RREB1: variants seen among roughly 807,000 people sequenced by gnomAD.
RREB1 encodes the protein ras-responsive element-binding protein 1.
RREB1 carries 27 observed loss-of-function variants against 117.8 expected under a neutral mutation model. That is an observed-to-expected ratio of 0.23 (90% CI 0.17 to 0.32). The LOEUF is 0.32. Ranked by LOEUF, RREB1 falls within the 10% of genes least tolerant of loss-of-function variation. The pLI is 1.00. For missense variants in RREB1, 2,577 were observed against 2,378.2 expected (o/e 1.08, Z -1.74); for synonymous variants, 1,298 against 1,026.7 (o/e 1.26, Z -5.05).
At chr6:7,126,637 C>A (rs1054378498) in intron 1 of RREB1, among the ~76,000 whole-genome samples, 1 of 152,206 alleles carries the variant, frequency 6.6e-6, no homozygotes, top group Non-Finnish European at 1.5e-5. Flanking sequence ...ACTGACCTAT[C>A]TTCTCTATTT....
chr6:7,233,142 C>T (rs1561800924), intron 10 of RREB1, among the ~76,000 whole-genome samples: 2 of 152,042 alleles, frequency 1.3e-5, no homozygotes, highest in Non-Finnish European at 2.9e-5. Context: ...GTGATCTGCC[C>T]ACCTTGGCCT....
intron 10 of RREB1, among the ~76,000 whole-genome samples, chr6:7,239,557 G>C (rs539836459): frequency 6.6e-6 from 1 of 152,322 alleles, no homozygotes; most frequent in Non-Finnish European, 1.5e-5. Context: ...AAAAGGAGAG[G>C]GTAGGCAGAC....
chr6:7,178,476 G>GT (rs996924308), intron 2 of RREB1, among the ~76,000 whole-genome samples: 4 of 152,186 alleles, frequency 2.6e-5, no homozygotes, highest in Non-Finnish European at 4.4e-5. Flanking sequence ...GTTATGGTGG[G>GT]TTTTTTCTAA....
chr6:7,143,339 C>T (rs1212916728), intron 1 of RREB1, among the ~76,000 whole-genome samples: 1 of 152,174 alleles, frequency 6.6e-6, no homozygotes, highest in African/African-American at 2.4e-5. Flanking sequence ...TTGTTAAGGG[C>T]ATGGAGAGGC....
chr6:7,242,582 A>G (rs1426005056), intron 11 of RREB1, among the ~76,000 whole-genome samples: 2 of 151,902 alleles, frequency 1.3e-5, no homozygotes, highest in African/African-American at 4.8e-5. Context: ...AGTGATTTCA[A>G]GGAGGATTTT....
chr6:7,203,462 A>G (rs1029028610), intron 6 of RREB1, among the ~76,000 whole-genome samples: 2 of 152,216 alleles, frequency 1.3e-5, no homozygotes, highest in African/African-American at 4.8e-5. Flanking sequence ...CCCAGGACCA[A>G]GATAGAAAAG....
chr6:7,202,241 C>G (rs570481092), intron 6 of RREB1, among the ~76,000 whole-genome samples: 1 of 152,302 alleles, frequency 6.6e-6, no homozygotes, highest in South Asian at 2.1e-4. Flanking sequence ...ATGGCCCCAC[C>G]CGTGCATTTC....
intron 1 of RREB1, among the ~76,000 whole-genome samples, chr6:7,118,928 C>T (rs1387628948): frequency 6.8e-6 from 1 of 147,124 alleles, no homozygotes; most frequent in Non-Finnish European, 1.5e-5. Flanking sequence ...GGATTACAAG[C>T]GTGAGCCACT....
At chr6:7,240,245 A>T (rs1430986349) in intron 10 of RREB1, among the ~76,000 whole-genome samples, 193 bp from the exon 11 acceptor site, 1 of 150,368 alleles carries the variant, frequency 6.7e-6, no homozygotes, top group African/African-American at 2.4e-5. Context: ...ATTCCATTCA[A>T]CTTAGGAAAA....
In RREB1 at chr6:7,235,372, G is replaced by A. The variant is rs370401451; in HGVS notation, c.3808+3465G>A. 3.9e-5 allele frequency among the ~76,000 whole-genome samples: 6 copies of A among 152,144 alleles called. No individual in the cohort carries two copies. In the East Asian group the frequency reaches 5.8e-4, roughly 15 times the overall value. On this transcript the variant is annotated intron_variant, in intron 10 of 12. Transcript: ENST00000379938. The stretch of plus-strand genomic sequence containing the variant: ...TTGGCTCCCTAGGCTTCTGTGAGGC[G>A]CTGTCTCCAAAACTTTGAAAAAAGT...
rs1432058657 is a variant in RREB1 at position 7,249,683 on chromosome 6, C to T, written c.*715C>T. ...CATGGTCACTGTTCAAGTTTCAAGACATCCATTCTTAACTATAGAGAAGAG... is the reference window on the plus strand; with the variant it reads ...CATGGTCACTGTTCAAGTTTCAAGATATCCATTCTTAACTATAGAGAAGAG... On this transcript the variant is annotated 3_prime_UTR_variant, in exon 13 of 13. Transcript: ENST00000379938. 1 of 152,146 alleles carries T rather than the reference C, an allele frequency of 6.6e-6. No individual in the cohort carries two copies. The highest frequency in any genetic ancestry group is 1.9e-4 in the East Asian group (1 of 5,206). 9.4% of individuals were successfully genotyped at this position (152,146 alleles called of 1,614,324 possible).
chr6:7,138,279 A>G (rs1188968211), intron 1 of RREB1, among the ~76,000 whole-genome samples: 1 of 152,252 alleles, frequency 6.6e-6, no homozygotes, highest in African/African-American at 2.4e-5. Flanking sequence ...CTCCTGTCCA[A>G]ATAATTCAGT....
intron 4 of RREB1, among the ~76,000 whole-genome samples, chr6:7,187,207 C>G (rs1166613176): frequency 6.6e-6 from 1 of 152,188 alleles, no homozygotes; most frequent in Non-Finnish European, 1.5e-5. Flanking sequence ...GGTAATTTAA[C>G]CTGCATCACA....
chr6:7,226,646 G>T lies in RREB1; in HGVS notation c.887G>T (p.Arg296Leu). 6.2e-7 allele frequency: 1 copy of T among 1,613,628 alleles called. No homozygotes were observed. The highest frequency in any genetic ancestry group is 8.5e-7 in the Non-Finnish European group (1 of 1,179,708). Residue 296 changes from arginine (R) to leucine (L), a missense_variant, in exon 9 of 13, where the codon CGC (arginine) becomes CTC (leucine). Arg to Leu is a moderately radical substitution (Grantham distance 102). Transcript: ENST00000379938. Reference protein sequence around the residue: ...FTDFSCRKFPRISQAWCETNL... With the variant: ...FTDFSCRKFPLISQAWCETNL... ...GACTTCTCCTGTAGGAAGTTTCCTC[G>T]CATTTCTCAGGTATTCTGATCAGCC...
At chr6:7,169,368 C>T (rs1764106317) in intron 1 of RREB1, among the ~76,000 whole-genome samples, 1 of 152,246 alleles carries the variant, frequency 6.6e-6, no homozygotes, top group Non-Finnish European at 1.5e-5. Context: ...CTTATTAGAG[C>T]ATAGTCCACC....
rs771985803 is a variant in RREB1, at chr6:7,246,486, G to A, written c.4036G>A (p.Asp1346Asn). ...AGEVLDLTSRDREQPSEGATE... is the reference protein window; with the variant it reads ...AGEVLDLTSRNREQPSEGATE... Reference sequence around the variant, plus strand: ...CGAAGTGCTAGACCTCACCTCACGGGACAGAGAGCAGCCGTCGGAGGGCGC... The same window carrying A: ...CGAAGTGCTAGACCTCACCTCACGGAACAGAGAGCAGCCGTCGGAGGGCGC... The change falls in exon 12 of 13, where the codon GAC (aspartate) becomes AAC (asparagine). Residue 1346 changes from aspartate (D) to asparagine (N), a missense_variant. Physicochemically the swap from Asp to Asn is conservative, Grantham distance 23. Coordinates refer to ENST00000379938, the MANE Select transcript of RREB1 (RefSeq NM_001003699.4). The A allele has an allele frequency of 5.2e-6, 8 of 1,542,726 alleles. No homozygotes were observed. Among genetic ancestry groups the A allele is most frequent in the African/African-American group, 4.1e-5 (3 of 73,114 alleles).
At chr6:7,223,768 C>CA (rs1226635397) in intron 8 of RREB1, among the ~76,000 whole-genome samples, 1 of 152,120 alleles carries the variant, frequency 6.6e-6, no homozygotes, top group Admixed American at 6.5e-5. Context: ...ATGTGGAGCA[C>CA]ATACGAAAAC....
chr6:7,173,386 G>C (rs1366937179), intron 1 of RREB1, among the ~76,000 whole-genome samples: 1 of 151,950 alleles, frequency 6.6e-6, no homozygotes, highest in Non-Finnish European at 1.5e-5. Context: ...GCGTGGTGGT[G>C]CACGGCTGAG....
intron 1 of RREB1, among the ~76,000 whole-genome samples, chr6:7,126,807 T>C (rs1005254667): frequency 2.6e-5 from 4 of 152,144 alleles, no homozygotes; most frequent in African/African-American, 9.7e-5. Context: ...AACCGTTTCT[T>C]GACACTTGCC....
Sources: gnomAD v4.1 joint callset for allele counts (sites outside exome capture counted in the v4.1 genomes callset) on GRCh38, gnomAD v4.1.1 for gene constraint, MANE v1.5 for transcripts, NCBI Gene and HGNC (gene_info 2026-07-23, HGNC 2026-07-21) for gene names.